The following AFAP1L1 variants were observed in gnomAD, a reference collection of about 807,000 sequenced individuals.
AFAP1L1 encodes the protein actin filament-associated protein 1-like 1.
In AFAP1L1, 77 loss-of-function variants were observed where a neutral mutation model predicts 99.8. The observed-to-expected ratio is 0.77, with a 90% confidence interval of 0.64 to 0.93. The LOEUF is 0.93. AFAP1L1 is among the 40% of genes least tolerant of loss of function. The pLI is 0.00. For missense variants in AFAP1L1, 893 were observed against 996.8 expected (o/e 0.90, Z 1.40); for synonymous variants, 373 against 395.3 (o/e 0.94, Z 0.67).
chr5:149,278,396 C>T (rs1188301660), intron 1 of AFAP1L1, among the ~76,000 whole-genome samples: 3 of 151,970 alleles, frequency 2.0e-5, no homozygotes, highest in African/African-American at 4.8e-5. Context: ...TAGCCTTTCA[C>T]CTCCATCAAA....
chr5:149,307,301 C>T, intron 6 of AFAP1L1, 101 bp from the exon 7 acceptor site: 1 of 1,280,882 alleles, frequency 7.8e-7, no homozygotes, highest in Admixed American at 1.8e-5. Context: ...ATGCCCATGC[C>T]TTCCTAGCCT....
At chr5:149,306,960 G>A (rs1241807840) in intron 6 of AFAP1L1, among the ~76,000 whole-genome samples, 2 of 152,078 alleles carry the variant, frequency 1.3e-5, no homozygotes, top group Non-Finnish European at 2.9e-5. Context: ...GCAAAAGTAG[G>A]GGCCAGCCAG....
In AFAP1L1 at chr5:149,279,068, T is replaced by C. The variant is rs547973475; in HGVS notation, c.16+7084T>C. ...TATTCACCACCAAATCAGATGACCC[T>C]TCCTGTTTCTCTTTTTATGCCAGCA... On this transcript the variant is annotated intron_variant, in intron 1 of 18. Coordinates refer to ENST00000296721, the MANE Select transcript of AFAP1L1 (RefSeq NM_152406.4). Among the ~76,000 whole-genome samples, 48 of 152,368 alleles carry C rather than the reference T, an allele frequency of 3.2e-4. 1 individual carries two copies. The highest frequency in any genetic ancestry group is 1.0e-3 in the African/African-American group (42 of 41,588).
At position 149,306,381 on chromosome 5, in the gene AFAP1L1, T is replaced by A; in HGVS notation, c.512T>A (p.Val171Glu). ...DADSSYPATRVNGELKSSYND... is the reference protein window; with the variant it reads ...DADSSYPATRENGELKSSYND... ...GACAGCAGCTACCCTGCAACCAGGG[T>A]GAACGGCGAGCTTAAGAGCTCCTGT... Residue 171 changes from valine to glutamate, a missense_variant, in exon 6 of 19, where the codon GTG becomes GAG. Val to Glu is a moderately radical substitution (Grantham distance 121, BLOSUM62 -2). Coordinates refer to ENST00000296721, the MANE Select transcript of AFAP1L1 (RefSeq NM_152406.4). 2.5e-6 allele frequency: 4 copies of A among 1,612,754 alleles called. No individual in the cohort carries two copies. The highest frequency in any genetic ancestry group is 3.4e-6 in the Non-Finnish European group (4 of 1,179,440).
rs1384356021 is a variant in AFAP1L1 at position 149,322,727 on chromosome 5, G to C, written c.1810+10G>C. 6.4e-7 allele frequency: 1 copy of C among 1,568,306 alleles called. No homozygotes were observed. Among genetic ancestry groups the C allele is most frequent in the South Asian group, 1.2e-5 (1 of 85,400 alleles). On this transcript the variant is annotated intron_variant, in intron 15 of 18. Coordinates refer to ENST00000296721, the MANE Select transcript of AFAP1L1 (RefSeq NM_152406.4). The stretch of plus-strand genomic sequence containing the variant: ...AAACGCCACGCCTCCAGTGAGTTGT[G>C]TGTGGGCCTCCCCTGCTGACTAGGG...
chr5:149,292,376 T>C (rs1755884875), intron 1 of AFAP1L1, among the ~76,000 whole-genome samples: 1 of 152,224 alleles, frequency 6.6e-6, no homozygotes, highest in Non-Finnish European at 1.5e-5. Context: ...CAAGTGGTAG[T>C]ACTTTTTATT....
At position 149,320,284 on chromosome 5, in the gene AFAP1L1, T is replaced by C; in HGVS notation, c.1626-107T>C. ...TCTTGCTTTTACCAATCTTCTGATC[T>C]GCCTTAAGAGTTTCTGCCAGAATCA... On this transcript the variant is annotated intron_variant, in intron 13 of 18. Transcript: ENST00000296721. The surrounding 1 kb of genome is among the most constrained non-coding windows in gnomAD (Gnocchi z 4.0). 3 of 1,092,118 alleles carry C rather than the reference T, an allele frequency of 2.7e-6. No individual in the cohort carries two copies. Among genetic ancestry groups the C allele is most frequent in the Non-Finnish European group, 4.1e-6 (3 of 730,452 alleles). 67.7% of individuals were successfully genotyped at this position (1,092,118 alleles called of 1,614,324 possible).
At chr5:149,321,009 C>T (rs1038180164) in intron 14 of AFAP1L1, among the ~76,000 whole-genome samples, 2 of 152,238 alleles carry the variant, frequency 1.3e-5, no homozygotes, top group Non-Finnish European at 2.9e-5. Context: ...TGTCTCCTCC[C>T]TCAGAAAGCA....
chr5:149,309,761 A>T (rs1016434075), intron 7 of AFAP1L1, among the ~76,000 whole-genome samples, 195 bp from the exon 8 acceptor site: 2 of 152,236 alleles, frequency 1.3e-5, no homozygotes, highest in Middle Eastern at 6.8e-3. Flanking sequence ...TTGCCCAAAG[A>T]TGCCTCCTCC....
chr5:149,326,432 G>A (rs1301964351), intron 15 of AFAP1L1, among the ~76,000 whole-genome samples: 13 of 151,726 alleles, frequency 8.6e-5, no homozygotes, highest in African/African-American at 1.7e-4. Context: ...CCAGCTACTC[G>A]GGAGGCTGAG....
intron 1 of AFAP1L1, among the ~76,000 whole-genome samples, chr5:149,298,699 C>T (rs1756091985): frequency 6.6e-6 from 1 of 152,170 alleles, no homozygotes; most frequent in Non-Finnish European, 1.5e-5. Context: ...TCCCAAGTTA[C>T]TTTTCAGGAC....
At chr5:149,305,268 T>C (rs1019873228) in intron 5 of AFAP1L1, among the ~76,000 whole-genome samples, 1 of 152,194 alleles carries the variant, frequency 6.6e-6, no homozygotes, top group African/African-American at 2.4e-5. Flanking sequence ...TTGAGGTCAC[T>C]CAGTAAATGA....
chr5:149,306,989 G>C (rs1046892905), intron 6 of AFAP1L1, among the ~76,000 whole-genome samples: 1 of 152,058 alleles, frequency 6.6e-6, no homozygotes, highest in African/African-American at 2.4e-5. Context: ...GCTCACACCT[G>C]TAATCCCAGC....
In AFAP1L1 at chr5:149,322,742, G is replaced by C. The variant is rs1326138324; in HGVS notation, c.1810+25G>C. On this transcript the variant is annotated intron_variant, in intron 15 of 18. Transcript: ENST00000296721. Reference sequence around the variant, plus strand: ...AGTGAGTTGTGTGTGGGCCTCCCCTGCTGACTAGGGAGGAAGGAAAGGAAG... The same window carrying C: ...AGTGAGTTGTGTGTGGGCCTCCCCTCCTGACTAGGGAGGAAGGAAAGGAAG... The C allele has an allele frequency of 1.3e-5, 20 of 1,546,742 alleles. No individual in the cohort carries two copies. The East Asian group carries it at 4.8e-4, about 37-fold the overall frequency.
intron 1 of AFAP1L1, among the ~76,000 whole-genome samples, chr5:149,292,594 A>G (rs1040758017): frequency 1.3e-5 from 2 of 152,242 alleles, no homozygotes; most frequent in African/African-American, 4.8e-5. Flanking sequence ...ATTATCCTTC[A>G]TCTTGGGTTT....
chr5:149,299,681 G>A (rs948167616), intron 2 of AFAP1L1, 44 bp downstream of exon 2: 15 of 1,612,442 alleles, frequency 9.3e-6, no homozygotes, highest in Admixed American at 1.7e-5. Flanking sequence ...ACTTATGTAG[G>A]ACAACAAAAC....
In AFAP1L1 at chr5:149,309,378, G is replaced by T. The variant is rs567693386; in HGVS notation, c.748-578G>T. ...CCTAGAATAAACCCCACTTGGTCTT[G>T]ATGTAGCTGCTTTTTATATACGTCT... On this transcript the variant is annotated intron_variant, in intron 7 of 18. Coordinates refer to ENST00000296721, the MANE Select transcript of AFAP1L1 (RefSeq NM_152406.4). Among the ~76,000 whole-genome samples, 10 of 152,246 alleles carry T rather than the reference G, an allele frequency of 6.6e-5. No homozygotes were observed. In the East Asian group the frequency reaches 1.7e-3, roughly 26 times the overall value.
chr5:149,288,744 C>G (rs1006169151), intron 1 of AFAP1L1, among the ~76,000 whole-genome samples: 2 of 152,218 alleles, frequency 1.3e-5, no homozygotes, highest in Admixed American at 1.3e-4. Context: ...CCTCTACCCC[C>G]TCCTGTGTGG....
At chr5:149,286,745 C>T (rs1356323284) in intron 1 of AFAP1L1, among the ~76,000 whole-genome samples, 1 of 152,192 alleles carries the variant, frequency 6.6e-6, no homozygotes, top group South Asian at 2.1e-4. Context: ...CCTTGAGTCT[C>T]ACAACAGGCC....
Sources: allele counts gnomAD v4.1 joint callset (sites outside exome capture counted in the v4.1 genomes callset), GRCh38; gene constraint gnomAD v4.1.1; non-coding constraint Gnocchi (gnomAD v3.1); transcripts MANE v1.5; gene names NCBI Gene and HGNC (gene_info 2026-07-23, HGNC 2026-07-21).